The following BAZ1B variants were observed in gnomAD, a reference collection of about 807,000 sequenced individuals.
BAZ1B encodes bromodomain adjacent to zinc finger domain 1B.
A neutral mutation model predicts 153.8 loss-of-function variants in BAZ1B; 22 were observed. That is an observed-to-expected ratio of 0.14 (90% CI 0.10 to 0.20). The LOEUF (loss-of-function observed/expected upper bound fraction) is 0.20, where lower values mean the gene tolerates loss of function less well. Ranked by LOEUF, BAZ1B falls within the 10% of genes least tolerant of loss-of-function variation. The pLI, the probability that BAZ1B is intolerant of heterozygous loss-of-function variation, is 1.00. For synonymous variants in BAZ1B, 676 were observed against 633.4 expected, an observed-to-expected ratio of 1.07 and a Z score of -1.01; for missense variants, 1,325 against 1,799.3, an observed-to-expected ratio of 0.74 and a Z score of 4.77.
intron 9 of BAZ1B, among the ~76,000 whole-genome samples, chr7:73,467,736 A>G (rs1788649964): frequency 6.6e-6 from 1 of 152,140 alleles, no homozygotes; most frequent in African/African-American, 2.4e-5. Flanking sequence ...AACATCCACC[A>G]GGATGCTCTA....
chr7:73,490,633 T>C (rs1789599984), intron 5 of BAZ1B, among the ~76,000 whole-genome samples: 1 of 151,862 alleles, frequency 6.6e-6, no homozygotes, highest in African/African-American at 2.4e-5. Context: ...GAGATGGAGT[T>C]TCACTCTTGT....
At chr7:73,520,177 G>A (rs1790977301) in intron 1 of BAZ1B, among the ~76,000 whole-genome samples, 1 of 146,990 alleles carries the variant, frequency 6.8e-6, no homozygotes, top group Non-Finnish European at 1.5e-5. Flanking sequence ...CCACTGCACT[G>A]CCACCTGGGT....
rs1407912580 is a variant in BAZ1B at position 73,522,015 on chromosome 7, C to G, written c.-82G>C. 18 of 1,065,958 alleles carry G rather than the reference C, an allele frequency of 1.7e-5. No homozygotes were observed. The Middle Eastern group carries it at 1.4e-3, about 82-fold the overall frequency. 66.0% of individuals were successfully genotyped at this position (1,065,958 alleles called of 1,614,324 possible). A position where few individuals can be genotyped will look rare whatever the true frequency, so the allele number is the denominator to read the frequency against. On this transcript the variant is annotated 5_prime_UTR_variant, in exon 1 of 20. Coordinates refer to ENST00000339594, the MANE Select transcript of BAZ1B (RefSeq NM_032408.4). ...TAGGCCCCGCGGCCCGGAGCGAGCGCCAGGCGCCCGGGGGTGGGGTGGGGG... is the reference window on the plus strand; with the variant it reads ...TAGGCCCCGCGGCCCGGAGCGAGCGGCAGGCGCCCGGGGGTGGGGTGGGGG...
chr7:73,491,858 T>C (rs1220264288), intron 5 of BAZ1B, among the ~76,000 whole-genome samples: 3 of 152,218 alleles, frequency 2.0e-5, no homozygotes, highest in Non-Finnish European at 4.4e-5. Context: ...TGAAGACAAA[T>C]GTGCATTGCC....
chr7:73,445,027 A>AC (rs1787778258), intron 16 of BAZ1B, among the ~76,000 whole-genome samples: 3 of 65,018 alleles, frequency 4.6e-5, no homozygotes, highest in Middle Eastern at 8.1e-3. Flanking sequence ...AAAAGAAAAA[A>AC]AACACACACA....
rs1369827677 is a variant in BAZ1B at position 73,521,872 on chromosome 7, G to C, written c.62C>G (p.Pro21Arg). The C allele has an allele frequency of 6.6e-7, 1 of 1,507,768 alleles. No individual in the cohort carries two copies. The highest frequency in any genetic ancestry group is 8.9e-7 in the Non-Finnish European group (1 of 1,124,474). 93.4% of individuals were successfully genotyped at this position (1,507,768 alleles called of 1,614,324 possible). The part of the protein sequence containing the change: ...PLVKPLPGEE[P>R]LFTIPHTQEA... ...CTGAGTGTGCGGGATGGTGAAGAGC[G>C]GCTCCTCTCCGGGCAACGGCTTCAC... The change falls in exon 1 of 20, where the codon CCG (proline) becomes CGG (arginine). Residue 21 changes from proline (P) to arginine (R), a missense_variant. This residue lies in a region of BAZ1B where 61 missense variants were observed against 61.5 expected (regional missense o/e 0.99). Transcript: ENST00000339594.
chr7:73,490,734 T>C (rs1554575357), intron 5 of BAZ1B, among the ~76,000 whole-genome samples: 2 of 151,908 alleles, frequency 1.3e-5, no homozygotes, highest in African/African-American at 2.4e-5. Flanking sequence ...GCCTCCCTAG[T>C]AGCTGGGATT....
intron 13 of BAZ1B, 66 bp downstream of exon 13, chr7:73,459,470 G>A: frequency 6.5e-7 from 1 of 1,529,416 alleles, no homozygotes; most frequent in Non-Finnish European, 8.9e-7. Flanking sequence ...CATAGGGTTA[G>A]ATTATTTTAA....
chr7:73,522,087 G>C lies in BAZ1B; in HGVS notation c.-154C>G, dbSNP rs1163500339. 4.3e-6 allele frequency: 2 copies of C among 465,710 alleles called. No homozygotes were observed. The highest frequency in any genetic ancestry group is 3.6e-5 in the East Asian group (1 of 28,156). The allele number at this position is 465,710 out of a possible 1,614,324, so 28.8% of individuals were successfully genotyped here. A position where few individuals can be genotyped will look rare whatever the true frequency, so the allele number is the denominator to read the frequency against. On this transcript the variant is annotated 5_prime_UTR_variant, in exon 1 of 20. Coordinates refer to ENST00000339594, the MANE Select transcript of BAZ1B (RefSeq NM_032408.4). ...CGCGAACTCCGGCTCCCTCACCGCC[G>C]GCGCGGCCGCGCGACAGTCATGGAG...
intron 2 of BAZ1B, among the ~76,000 whole-genome samples, chr7:73,510,445 A>G (rs782544074): frequency 9.2e-5 from 14 of 152,198 alleles, no homozygotes; most frequent in Non-Finnish European, 1.8e-4. Flanking sequence ...AAAAAGCAAA[A>G]AAGAATAAAC....
chr7:73,486,724 C>G (rs1416386598), intron 6 of BAZ1B, among the ~76,000 whole-genome samples: 1 of 152,120 alleles, frequency 6.6e-6, no homozygotes, highest in East Asian at 1.9e-4. Flanking sequence ...CTACAAAAAC[C>G]AAAGAGTATA....
At chr7:73,486,575 C>T (rs1789415449) in intron 6 of BAZ1B, among the ~76,000 whole-genome samples, 1 of 152,306 alleles carries the variant, frequency 6.6e-6, no homozygotes, top group East Asian at 1.9e-4. Context: ...ATCCGCCCAA[C>T]TCGGCCTCCC....
At chr7:73,468,111 GCACAATA>G (rs1398598676) in intron 9 of BAZ1B, among the ~76,000 whole-genome samples, 3 of 152,152 alleles carry the variant, frequency 2.0e-5, no homozygotes, top group Admixed American at 2.0e-4. Context: ...TATCGAAGAA[GCACAATA>G]ACCTAGTACT....
intron 3 of BAZ1B, among the ~76,000 whole-genome samples, chr7:73,501,875 T>C (rs929615945): frequency 2.0e-4 from 30 of 151,930 alleles, no homozygotes; most frequent in Non-Finnish European, 2.6e-4. Context: ...TCTTTCATAG[T>C]TCTTATCAAG....
intron 6 of BAZ1B, among the ~76,000 whole-genome samples, chr7:73,488,123 A>G: frequency 6.6e-6 from 1 of 152,238 alleles, no homozygotes; most frequent in East Asian, 1.9e-4. Context: ...TTAATGGATC[A>G]AGAGCCCTTT....
At chr7:73,449,268 A>G (rs1787945375) in intron 15 of BAZ1B, among the ~76,000 whole-genome samples, 1 of 152,208 alleles carries the variant, frequency 6.6e-6, no homozygotes, top group Admixed American at 6.5e-5. Context: ...ACAGGAGGCT[A>G]AAGGCAGAGA....
At chr7:73,464,416 C>T (rs1233466606) in intron 11 of BAZ1B, among the ~76,000 whole-genome samples, 2 of 152,140 alleles carry the variant, frequency 1.3e-5, no homozygotes, top group African/African-American at 4.8e-5. Flanking sequence ...TGTTGTAGAA[C>T]CACACATGTA....
intron 12 of BAZ1B, among the ~76,000 whole-genome samples, chr7:73,460,510 A>C (rs1554570214): frequency 6.6e-6 from 1 of 152,014 alleles, no homozygotes; most frequent in Non-Finnish European, 1.5e-5. Context: ...ATTTTTAAAG[A>C]GATAGGTCTC....
intron 3 of BAZ1B, among the ~76,000 whole-genome samples, chr7:73,502,260 A>G (rs1554577234): frequency 6.6e-6 from 1 of 151,980 alleles, no homozygotes; most frequent in Non-Finnish European, 1.5e-5. Flanking sequence ...CACCCAAAAC[A>G]TGCTATCTAC....
Sources: allele counts gnomAD v4.1 joint callset (sites outside exome capture counted in the v4.1 genomes callset), GRCh38; gene constraint gnomAD v4.1.1; regional missense constraint gnomAD v4.1.1; transcripts MANE v1.5; gene names NCBI Gene and HGNC (gene_info 2026-07-23, HGNC 2026-07-21).